FBXW9: variants seen among roughly 807,000 people sequenced by gnomAD.
FBXW9 encodes the protein F-box/WD repeat-containing protein 9.
In FBXW9, 38 loss-of-function variants were observed where a neutral mutation model predicts 55.8. The ratio of observed to expected loss-of-function variants is 0.68; its 90% CI spans 0.53 to 0.89. The LOEUF (loss-of-function observed/expected upper bound fraction) is 0.89. Ranked by LOEUF, FBXW9 falls within the 40% of genes least tolerant of loss-of-function variation. The pLI, the probability that FBXW9 is intolerant of heterozygous loss-of-function variation, is 0.00. For synonymous variants in FBXW9, 289 were observed against 278.2 expected (o/e 1.04, Z -0.38); for missense variants, 590 against 619.4 (o/e 0.95, Z 0.50).
chr19:12,695,778 G>A (rs1448069253), intron 1 of FBXW9, among the ~76,000 whole-genome samples: 1 of 152,170 alleles, frequency 6.6e-6, no homozygotes, highest in African/African-American at 2.4e-5. Context: ...CTCAGAACCT[G>A]AGGATCCTTG....
chr19:12,693,561 TACACACACACACACACACACACAC>T (rs1169069518), intron 3 of FBXW9, among the ~76,000 whole-genome samples: 6 of 10,268 alleles, frequency 5.8e-4, no homozygotes, highest in African/African-American at 2.7e-3. Context: ...TATATATATA[TACACACACACACACACACACACAC>T]ACACACACAC....
chr19:12,689,498 A>C lies in FBXW9; in HGVS notation c.1236+43T>G. The C allele has an allele frequency of 6.2e-7, 1 of 1,612,076 alleles. No individual in the cohort carries two copies. The highest frequency in any genetic ancestry group is 8.5e-7 in the Non-Finnish European group (1 of 1,178,378). ...CCCCTGGCTGATGGAGGTAGGGGAGAGGCAGGGACTGTCCTGGGGTGGGGG... is the reference window on the plus strand; with the variant it reads ...CCCCTGGCTGATGGAGGTAGGGGAGCGGCAGGGACTGTCCTGGGGTGGGGG... On this transcript the variant is annotated intron_variant, in intron 8 of 9. Transcript: ENST00000393261. The surrounding 1 kb of genome is among the most constrained non-coding windows in gnomAD (Gnocchi z 5.9).
Position 12,696,439 on chromosome 19 carries a change from G to C in FBXW9, c.143C>G (p.Ser48Trp). Residue 48 changes from serine to tryptophan, a missense_variant, in exon 1 of 10, where the codon TCG (serine) becomes TGG (tryptophan). By Grantham distance (177) the Ser-to-Trp change is radical. Coordinates refer to ENST00000393261, the MANE Select transcript of FBXW9 (RefSeq NM_032301.3). ...GGGTGTGGATAGCTGCGAGGGGCGC[G>C]AGAACGCCAGCCCGGATTTTGGCGG... The part of the protein sequence containing the change: ...LSPPKSGLAF[S>W]RPSQLSTPAA... The C allele has an allele frequency of 6.2e-7, 1 of 1,612,332 alleles. No individual in the cohort carries two copies. The highest frequency in any genetic ancestry group is 2.2e-5 in the East Asian group (1 of 44,872).
chr19:12,691,819 G>C (rs1247689302), intron 3 of FBXW9, among the ~76,000 whole-genome samples: 1 of 151,964 alleles, frequency 6.6e-6, no homozygotes, highest in African/African-American at 2.4e-5. Flanking sequence ...GCAGTGGCTT[G>C]ATCTTGGCTC....
At chr19:12,692,575 G>A (rs2025022464) in intron 3 of FBXW9, among the ~76,000 whole-genome samples, 1 of 151,048 alleles carries the variant, frequency 6.6e-6, no homozygotes, top group African/African-American at 2.4e-5. Flanking sequence ...AGGCTGGAGT[G>A]CAGTGGCATG....
rs184726528 is a variant in FBXW9, at chr19:12,693,201, G to A, written c.678+1393C>T. Among the ~76,000 whole-genome samples the A allele has an allele frequency of 1.5e-3, 230 of 151,952 alleles. 1 individual carries two copies. Among genetic ancestry groups the A allele is most frequent in the African/African-American group, 5.2e-3 (217 of 41,458 alleles). On this transcript the variant is annotated intron_variant, in intron 3 of 9. Coordinates refer to ENST00000393261, the MANE Select transcript of FBXW9 (RefSeq NM_032301.3). Reference sequence around the variant, plus strand: ...CCCAAGCCCAAGCTCTCAGCTACCGGCCTGACCACCTTAGCGACTGGTGGA... The same window carrying A: ...CCCAAGCCCAAGCTCTCAGCTACCGACCTGACCACCTTAGCGACTGGTGGA...
At position 12,689,474 on chromosome 19, in the gene FBXW9, C is replaced by A; in HGVS notation, c.1237-37G>T. 6.2e-7 allele frequency: 1 copy of A among 1,614,078 alleles called. No individual in the cohort carries two copies. The highest frequency in any genetic ancestry group is 8.5e-7 in the Non-Finnish European group (1 of 1,179,988). ...CAATGGGCGAGGTCAAGAGGTGTGC[C>A]CCTGGCTGATGGAGGTAGGGGAGAG... On this transcript the variant is annotated intron_variant, in intron 8 of 9. Coordinates refer to ENST00000393261, the MANE Select transcript of FBXW9 (RefSeq NM_032301.3). This position sits in a 1 kb window ranked among gnomAD's most constrained non-coding sequence, Gnocchi z 5.9.
chr19:12,692,652 G>A (rs555830732), intron 3 of FBXW9, among the ~76,000 whole-genome samples: 4 of 151,912 alleles, frequency 2.6e-5, no homozygotes, highest in East Asian at 1.9e-4. Context: ...CTCCCGAGTC[G>A]CTGGGACTAC....
chr19:12,691,313 G>GCAGGCCCCCTGCC, intron 4 of FBXW9, 29 bp downstream of exon 4: 1 of 1,612,104 alleles, frequency 6.2e-7, no homozygotes, highest in Non-Finnish European at 8.5e-7. Flanking sequence ...TCCTATCCCC[G>GCAGGCCCCCTGCC]CAGGCCCCCT....
At chr19:12,694,991 G>A in intron 1 of FBXW9, 53 bp from the exon 2 acceptor site, 1 of 1,574,800 alleles carries the variant, frequency 6.4e-7, no homozygotes, top group South Asian at 1.1e-5. Context: ...TAGCACCCAT[G>A]CCAGCTGGCC....
In FBXW9 at chr19:12,689,828, C is replaced by T; in HGVS notation, c.1079G>A (p.Trp360Ter). The T allele has an allele frequency of 1.9e-6, 3 of 1,614,132 alleles. No individual in the cohort carries two copies. The highest frequency in any genetic ancestry group is 2.5e-6 in the Non-Finnish European group (3 of 1,180,022). The change falls in exon 7 of 10, where the codon TGG becomes TAG. Residue 360 changes from tryptophan (W) to a stop codon, truncating the protein, a stop_gained. Transcript: ENST00000393261. LOFTEE classifies it high-confidence loss of function. The surrounding 1 kb of genome is among the most constrained non-coding windows in gnomAD (Gnocchi z 5.9). The stretch of plus-strand genomic sequence containing the variant: ...CAGCAGGCCCTGGTTGTCACCAGCC[C>T]AGAGCTGGGGTTCCTGGTAGGACAT... ...LCMSYQEPQL[W>*]AGDNQGLLHV... is the part of the protein sequence containing the mutation.
intron 5 of FBXW9, among the ~76,000 whole-genome samples, chr19:12,690,491 GAATA>G (rs2024992863): frequency 6.6e-6 from 1 of 152,120 alleles, no homozygotes. Context: ...AAAGTAGAAT[GAATA>G]AATAGGCCAG....
At chr19:12,690,373 A>G (rs906782077) in intron 5 of FBXW9, among the ~76,000 whole-genome samples, 2 of 152,116 alleles carry the variant, frequency 1.3e-5, no homozygotes, top group Non-Finnish European at 2.9e-5. Context: ...AGAGCTGACC[A>G]AGGTGGTCTC....
intron 1 of FBXW9, 34 bp downstream of exon 1, chr19:12,696,139 C>A (rs928234753): frequency 6.9e-7 from 1 of 1,457,856 alleles, no homozygotes; most frequent in African/African-American, 1.4e-5. Flanking sequence ...CGGGCGCCCC[C>A]GGCCCCCGGT....
Position 12,689,264 on chromosome 19 carries a change from C to A in FBXW9, c.1329G>T (p.Val443=). The A allele has an allele frequency of 6.2e-7, 1 of 1,614,204 alleles. No individual in the cohort carries two copies. The highest frequency in any genetic ancestry group is 2.2e-5 in the East Asian group (1 of 44,882). The change falls in exon 10 of 10, where the codon GTG becomes GTT. Residue 443 remains valine (V), a synonymous_variant. Transcript: ENST00000393261. The surrounding 1 kb of genome is among the most constrained non-coding windows in gnomAD (Gnocchi z 5.9). The part of the protein sequence containing the change: ...NRVCAEGNLV[V]AGSGDLSLEV... Reference sequence around the variant, plus strand: ...CTAGCGACAGGTCTCCAGAGCCGGCCACCACCAGGTTGCCCTCAGCACAGA... The same window carrying A: ...CTAGCGACAGGTCTCCAGAGCCGGCAACCACCAGGTTGCCCTCAGCACAGA...
At position 12,693,590 on chromosome 19, in the gene FBXW9, AC is replaced by A. The variant is rs1568326373; in HGVS notation, c.678+1003del. Among the ~76,000 whole-genome samples, 16 of 122,932 alleles carry A rather than the reference AC, an allele frequency of 1.3e-4. 1 individual carries two copies. The highest frequency in any genetic ancestry group is 6.5e-4 in the African/African-American group (16 of 24,740). 80.6% of individuals were successfully genotyped at this position (122,932 alleles called of 152,430 possible). On this transcript the variant is annotated intron_variant, in intron 3 of 9. Transcript: ENST00000393261. ...CACACACACACACACACACACACAC[AC>A]ACACACACACACACACAAAAGAAAT...
rs376558079 is a variant in FBXW9 at position 12,689,448 on chromosome 19, G to T, written c.1237-11C>A. On this transcript the variant is annotated splice_polypyrimidine_tract_variant and intron_variant, in intron 8 of 9. Transcript: ENST00000393261. The surrounding 1 kb of genome is among the most constrained non-coding windows in gnomAD (Gnocchi z 5.9). ...TGTGGGCACGTGCACCTAGTGAGGG[G>T]CAATGGGCGAGGTCAAGAGGTGTGC... The T allele has an allele frequency of 2.5e-6, 4 of 1,614,156 alleles. No individual in the cohort carries two copies. The highest frequency in any genetic ancestry group is 3.4e-6 in the Non-Finnish European group (4 of 1,180,034).
chr19:12,689,605 G>A lies in FBXW9; in HGVS notation c.1172C>T (p.Pro391Leu). ...IRSFDVGHSF[P>L]ITGIQYSVGA... ...CACGGAGTACTGGATCCCAGTGATGGGAAAGCTGTGGCCCACATCAAAGGA... is the reference window on the plus strand; with the variant it reads ...CACGGAGTACTGGATCCCAGTGATGAGAAAGCTGTGGCCCACATCAAAGGA... The change falls in exon 8 of 10, where the codon CCC becomes CTC. Residue 391 changes from proline to leucine, a missense_variant. Pro to Leu is a moderately conservative substitution (Grantham distance 98). Transcript: ENST00000393261. The surrounding 1 kb of genome is among the most constrained non-coding windows in gnomAD (Gnocchi z 5.9). 1 of 1,614,098 alleles carries A rather than the reference G, an allele frequency of 6.2e-7. No homozygotes were observed. Among genetic ancestry groups the A allele is most frequent in the South Asian group, 1.1e-5 (1 of 91,084 alleles).
chr19:12,694,702 C>G lies in FBXW9; in HGVS notation c.570G>C (p.Ser190=), dbSNP rs767817750. ...LLLQGGSLCL[S]GSRDRNVNLW... ...AGTTGACGTTGCGATCTCGGGAGCCCGACAGACAGAGTGACCCACCCTGGA... is the reference window on the plus strand; with the variant it reads ...AGTTGACGTTGCGATCTCGGGAGCCGGACAGACAGAGTGACCCACCCTGGA... Residue 190 remains serine (S), a synonymous_variant, in exon 3 of 10, where the codon TCG becomes TCC. Transcript: ENST00000393261. 1 of 1,614,186 alleles carries G rather than the reference C, an allele frequency of 6.2e-7. No homozygotes were observed. Among genetic ancestry groups the G allele is most frequent in the Non-Finnish European group, 8.5e-7 (1 of 1,180,032 alleles).
Sources: allele counts gnomAD v4.1 joint callset (sites outside exome capture counted in the v4.1 genomes callset), GRCh38; gene constraint gnomAD v4.1.1; non-coding constraint Gnocchi (gnomAD v3.1); transcripts MANE v1.5; gene names NCBI Gene and HGNC (gene_info 2026-07-23, HGNC 2026-07-21).